The following MARCHF10 variants were observed in gnomAD, a reference collection of about 807,000 sequenced individuals.
MARCHF10 encodes the protein probable E3 ubiquitin-protein ligase MARCHF10.
In MARCHF10, 64 loss-of-function variants were observed where a neutral mutation model predicts 76.2. The ratio of observed to expected loss-of-function variants is 0.84; its 90% confidence interval spans 0.69 to 1.03. MARCHF10 has a LOEUF of 1.03. Among genes scored for constraint, MARCHF10 ranks in the 50% least tolerant of loss-of-function variants. MARCHF10 has a pLI of 0.00. For synonymous variants in MARCHF10, 340 were observed against 357.5 expected, an observed-to-expected ratio of 0.95 and a Z score of 0.55; for missense variants, 875 against 958.0, an observed-to-expected ratio of 0.91 and a Z score of 1.14.
At chr17:62,740,736 C>T (rs1377254871) in intron 5 of MARCHF10, among the ~76,000 whole-genome samples, 2 of 152,020 alleles carry the variant, frequency 1.3e-5, no homozygotes, top group Non-Finnish European at 2.9e-5. Flanking sequence ...AAACAATCCT[C>T]CTGCCTCAGC....
At chr17:62,703,668 C>A (rs1010713563) in intron 10 of MARCHF10, among the ~76,000 whole-genome samples, 56 of 152,316 alleles carry the variant, frequency 3.7e-4, no homozygotes, top group Non-Finnish European at 3.5e-4. Flanking sequence ...TGGGGTGGAT[C>A]CTCCAGCGGG....
At position 62,709,447 on chromosome 17, in the gene MARCHF10, C is replaced by T. The variant is rs146497141; in HGVS notation, c.2328+1784G>A. On this transcript the variant is annotated intron_variant, in intron 9 of 10. Coordinates refer to ENST00000311269, the MANE Select transcript of MARCHF10 (RefSeq NM_152598.4). The stretch of plus-strand genomic sequence containing the variant: ...CTGAGATTGAGCCACTGCACTCCAG[C>T]CTGGGTGACAGAGCAAGACTCTTGT... Among the ~76,000 whole-genome samples, 330 of 152,168 alleles carry T rather than the reference C, an allele frequency of 2.2e-3. 1 individual carries two copies. The highest frequency in any genetic ancestry group is 7.6e-3 in the African/African-American group (317 of 41,512).
chr17:62,770,701 C>T (rs1262498730), intron 3 of MARCHF10, among the ~76,000 whole-genome samples: 2 of 151,778 alleles, frequency 1.3e-5, no homozygotes, highest in Admixed American at 6.6e-5. Context: ...CCACCACACC[C>T]AGCTAATTTT....
At chr17:62,786,831 C>T (rs995847162) in intron 3 of MARCHF10, among the ~76,000 whole-genome samples, 1 of 152,132 alleles carries the variant, frequency 6.6e-6, no homozygotes. Context: ...ATAAAATGGC[C>T]GTGACTGTGC....
At chr17:62,744,347 A>AAAT in intron 5 of MARCHF10, 29 bp downstream of exon 5, 1 of 1,599,590 alleles carries the variant, frequency 6.3e-7, no homozygotes, top group Non-Finnish European at 8.5e-7. Context: ...CTCTCCAAGG[A>AAAT]CAAAGGTTCG....
At chr17:62,798,565 G>A (rs1437328335) in intron 2 of MARCHF10, among the ~76,000 whole-genome samples, 2 of 152,162 alleles carry the variant, frequency 1.3e-5, no homozygotes, top group Non-Finnish European at 2.9e-5. Context: ...TTTGGTTACT[G>A]ACGTTAGCAG....
intron 1 of MARCHF10, among the ~76,000 whole-genome samples, chr17:62,807,740 GAGAC>G (rs2093184416): frequency 6.6e-6 from 1 of 152,132 alleles, no homozygotes; most frequent in Non-Finnish European, 1.5e-5. Context: ...TCCAACCTGG[GAGAC>G]AGAGCGAGAC....
chr17:62,757,285 G>A (rs1459212519), intron 4 of MARCHF10, among the ~76,000 whole-genome samples: 4 of 152,116 alleles, frequency 2.6e-5, no homozygotes, highest in Admixed American at 2.6e-4. Flanking sequence ...AAGTTTTGAT[G>A]ACTTACTGCC....
At chr17:62,766,604 T>G (rs1342571581) in intron 3 of MARCHF10, among the ~76,000 whole-genome samples, 1 of 152,242 alleles carries the variant, frequency 6.6e-6, no homozygotes, top group Non-Finnish European at 1.5e-5. Flanking sequence ...GATATGGTTT[T>G]GCTACAATGT....
Position 62,767,450 on chromosome 17 carries a change from C to CCTTTTTTTTTTTTTTT in MARCHF10, c.211-7445_211-7444insAAAAAAAAAAAAAAAG, listed in dbSNP as rs67106553. ...AGCTTTGAATTGGTGGGTCTGTATT[C>CCTTTTTTTTTTTTTTT]TTTTTTTTTTTTTTTTTTGAGATGG... On this transcript the variant is annotated intron_variant, in intron 3 of 10. Transcript: ENST00000311269. 1.5e-5 allele frequency among the ~76,000 whole-genome samples: 2 copies of CCTTTTTTTTTTTTTTT among 134,790 alleles called. 1 individual carries two copies. Among genetic ancestry groups the CCTTTTTTTTTTTTTTT allele is most frequent in the Non-Finnish European group, 3.1e-5 (2 of 64,278 alleles). 88.4% of individuals were successfully genotyped at this position (134,790 alleles called of 152,430 possible). A position where few individuals can be genotyped will look rare whatever the true frequency, so the allele number is the denominator to read the frequency against.
chr17:62,715,851 A>G (rs2090165157), intron 8 of MARCHF10, among the ~76,000 whole-genome samples: 1 of 152,206 alleles, frequency 6.6e-6, no homozygotes, highest in African/African-American at 2.4e-5. Context: ...TGTGAGCAGC[A>G]TCTGCCCTGC....
At position 62,725,048 on chromosome 17, in the gene MARCHF10, GCTAT is replaced by G; in HGVS notation, c.1990_1993del (p.Ile664ProfsTer27). On this transcript the variant is annotated frameshift_variant, in exon 7 of 11. Transcript: ENST00000311269. LOFTEE classifies it high-confidence loss of function. ...GAGGGGGTTGCTTGGGGAACCCCCG[GCTAT>G]CTGACAGATGCGACACAAGTCTCCC... is the stretch of plus-strand genomic sequence containing the variant. The G allele has an allele frequency of 6.2e-7, 1 of 1,608,022 alleles. No individual in the cohort carries two copies. The highest frequency in any genetic ancestry group is 8.5e-7 in the Non-Finnish European group (1 of 1,177,870).
chr17:62,745,549 A>G (rs1278933479), intron 4 of MARCHF10, among the ~76,000 whole-genome samples: 2 of 152,172 alleles, frequency 1.3e-5, no homozygotes, highest in Non-Finnish European at 2.9e-5. Context: ...ATTTTGTATA[A>G]TACCTGCATA....
intron 4 of MARCHF10, among the ~76,000 whole-genome samples, chr17:62,758,104 T>C (rs2092097552): frequency 6.6e-6 from 1 of 152,164 alleles, no homozygotes; most frequent in East Asian, 1.9e-4. Context: ...GTTGCATTAT[T>C]TAAACTTAAA....
chr17:62,702,697 G>T (rs1344169163), intron 10 of MARCHF10, among the ~76,000 whole-genome samples: 2 of 149,858 alleles, frequency 1.3e-5, no homozygotes, highest in African/African-American at 2.5e-5. Flanking sequence ...AAAAAGAAAA[G>T]AAAGAAAGTT....
intron 3 of MARCHF10, among the ~76,000 whole-genome samples, chr17:62,762,111 G>C (rs1372087262): frequency 6.6e-6 from 1 of 152,142 alleles, no homozygotes; most frequent in Non-Finnish European, 1.5e-5. Context: ...CCCCAGCCAG[G>C]GCCGGAATTC....
chr17:62,781,381 T>C (rs1054051154), intron 3 of MARCHF10, among the ~76,000 whole-genome samples: 8 of 152,226 alleles, frequency 5.3e-5, no homozygotes, highest in African/African-American at 1.7e-4. Context: ...CCACGAGATA[T>C]GCATAATAAG....
chr17:62,769,622 C>T (rs940740294), intron 3 of MARCHF10, among the ~76,000 whole-genome samples: 3 of 152,098 alleles, frequency 2.0e-5, no homozygotes, highest in Non-Finnish European at 2.9e-5. Context: ...CCATGTTGGG[C>T]AGGCTGGTCT....
chr17:62,776,769 C>T (rs952972836), intron 3 of MARCHF10, among the ~76,000 whole-genome samples: 3 of 152,186 alleles, frequency 2.0e-5, no homozygotes, highest in Non-Finnish European at 4.4e-5. Context: ...CCTGGGTCAA[C>T]TTCAGGCCGT....
Sources: gnomAD v4.1 joint callset for allele counts (sites outside exome capture counted in the v4.1 genomes callset) on GRCh38, gnomAD v4.1.1 for gene constraint, MANE v1.5 for transcripts, NCBI Gene and HGNC (gene_info 2026-07-23, HGNC 2026-07-21) for gene names.